CCT4: variants seen among roughly 807,000 people sequenced by gnomAD.
CCT4 encodes chaperonin containing TCP1 subunit 4.
CCT4 carries 17 observed loss-of-function variants against 62.5 expected under a neutral mutation model. The observed-to-expected ratio is 0.27, with a 90% CI of 0.19 to 0.41. The LOEUF is 0.41. Among genes scored for constraint, CCT4 ranks in the 10% least tolerant of loss-of-function variants. CCT4 has a pLI of 1.00. For missense variants in CCT4, 592 were observed against 659.2 expected (o/e 0.90, Z 1.12); for synonymous variants, 250 against 229.9 (o/e 1.09, Z -0.79).
intron 5 of CCT4, among the ~76,000 whole-genome samples, chr2:61,877,983 G>C (rs1669036614): frequency 6.6e-6 from 1 of 152,180 alleles, no homozygotes; most frequent in Non-Finnish European, 1.5e-5. Context: ...AGAAACTGAA[G>C]CCAAGAGGTT....
At position 61,883,465 on chromosome 2, in the gene CCT4, G is replaced by T. The variant is rs1572925569; in HGVS notation, c.264C>A (p.Ala88=). Residue 88 remains alanine (A), a synonymous_variant, in exon 3 of 14, where the codon GCC becomes GCA. Transcript: ENST00000394440. The part of the protein sequence containing the change: ...LKQMQVLHPA[A]RMLVELSKAQ... The stretch of plus-strand genomic sequence containing the variant: ...CACCTAAAATTACACTTACCATTCT[G>T]GCTGCTGGATGTAATACTTGCATTT... 1 of 1,512,050 alleles carries T rather than the reference G, an allele frequency of 6.6e-7. No homozygotes were observed. Among genetic ancestry groups the T allele is most frequent in the Non-Finnish European group, 9.1e-7 (1 of 1,102,688 alleles). The allele number at this position is 1,512,050 out of a possible 1,614,324, so 93.7% of individuals were successfully genotyped here. A position where few individuals can be genotyped will look rare whatever the true frequency, so the allele number is the denominator to read the frequency against.
At chr2:61,874,640 T>C (rs1668958642) in intron 8 of CCT4, among the ~76,000 whole-genome samples, 1 of 151,660 alleles carries the variant, frequency 6.6e-6, no homozygotes, top group South Asian at 2.1e-4. Context: ...AAAAAAGTGA[T>C]CTGTCAAACT....
intron 2 of CCT4, among the ~76,000 whole-genome samples, chr2:61,883,875 A>C (rs1427728593): frequency 6.6e-6 from 1 of 152,118 alleles, no homozygotes; most frequent in African/African-American, 2.4e-5. Flanking sequence ...ATTAATCAGA[A>C]ACACGATTTC....
chr2:61,873,390 A>T (rs1668926235), intron 8 of CCT4, 97 bp from the exon 9 acceptor site: 1 of 621,342 alleles, frequency 1.6e-6, no homozygotes, highest in Admixed American at 2.9e-5. Context: ...TTAAATGGCC[A>T]ATCATTATTT....
Position 61,885,090 on chromosome 2 carries a change from A to T in CCT4, c.128-18T>A. On this transcript the variant is annotated intron_variant, in intron 1 of 13. Coordinates refer to ENST00000394440, the MANE Select transcript of CCT4 (RefSeq NM_006430.4). ...AGCAACCGCTGCAGATGGGGGGGAAAAAAAAGAAAACAAATTAGAACTTTT... is the reference window on the plus strand; with the variant it reads ...AGCAACCGCTGCAGATGGGGGGGAATAAAAAGAAAACAAATTAGAACTTTT... 6.5e-7 allele frequency: 1 copy of T among 1,527,128 alleles called. No homozygotes were observed. Among genetic ancestry groups the T allele is most frequent in the South Asian group, 1.3e-5 (1 of 77,604 alleles). The allele number at this position is 1,527,128 out of a possible 1,614,324, so 94.6% of individuals were successfully genotyped here.
chr2:61,881,440 A>T (rs1669110890), intron 3 of CCT4, among the ~76,000 whole-genome samples: 1 of 152,248 alleles, frequency 6.6e-6, no homozygotes, highest in South Asian at 2.1e-4. Flanking sequence ...ATTTCTTTCT[A>T]ATGAATTTGT....
chr2:61,875,984 A>G (rs1668989468), intron 8 of CCT4, 111 bp downstream of exon 8: 1 of 638,578 alleles, frequency 1.6e-6, no homozygotes, highest in Non-Finnish European at 2.6e-6. Flanking sequence ...TCTGTTAAGA[A>G]ATACGAACTT....
At chr2:61,871,227 G>A (rs1335703163) in intron 12 of CCT4, among the ~76,000 whole-genome samples, 5 of 151,664 alleles carry the variant, frequency 3.3e-5, no homozygotes, top group Non-Finnish European at 1.5e-5. Flanking sequence ...TAGTAGAGAC[G>A]GAATTTTGCC....
intron 8 of CCT4, among the ~76,000 whole-genome samples, chr2:61,875,235 A>G (rs974621847): frequency 4.6e-5 from 7 of 152,042 alleles, no homozygotes; most frequent in South Asian, 2.1e-4. Context: ...CTGCTAAAAA[A>G]AAAAATGCAG....
intron 12 of CCT4, among the ~76,000 whole-genome samples, chr2:61,871,522 A>T (rs1344242021): frequency 6.6e-6 from 1 of 152,168 alleles, no homozygotes; most frequent in African/African-American, 2.4e-5. Context: ...GCCTTCCCTA[A>T]ACAGATAGTT....
intron 12 of CCT4, among the ~76,000 whole-genome samples, chr2:61,869,861 T>C (rs1444737266): frequency 6.7e-6 from 1 of 150,234 alleles, no homozygotes; most frequent in Non-Finnish European, 1.5e-5. Context: ...TCTCATCTCC[T>C]GATCTCATGA....
intron 2 of CCT4, 100 bp from the exon 3 acceptor site, chr2:61,883,648 G>A (rs943018849): frequency 2.3e-5 from 15 of 663,696 alleles, no homozygotes; most frequent in Admixed American, 1.2e-4. Flanking sequence ...TGTTTGCAAA[G>A]TACTTAATTT....
intron 7 of CCT4, 98 bp from the exon 8 acceptor site, chr2:61,876,332 C>A: frequency 1.2e-6 from 1 of 817,762 alleles, no homozygotes; most frequent in Non-Finnish European, 1.9e-6. Context: ...TAAATTCAAC[C>A]AAAACTATAT....
At chr2:61,874,162 A>G (rs1421556637) in intron 8 of CCT4, among the ~76,000 whole-genome samples, 3 of 152,190 alleles carry the variant, frequency 2.0e-5, no homozygotes, top group African/African-American at 7.2e-5. Context: ...TATCCCTATT[A>G]TACGGATAAG....
intron 1 of CCT4, among the ~76,000 whole-genome samples, chr2:61,885,331 G>A (rs1202442324): frequency 6.6e-6 from 1 of 152,084 alleles, no homozygotes; most frequent in Non-Finnish European, 1.5e-5. Context: ...AAAATTCATT[G>A]TCTAAAAATA....
In CCT4 at chr2:61,888,547, G is replaced by A. The variant is rs1157713283; in HGVS notation, c.-40C>T. The A allele has an allele frequency of 1.3e-6, 2 of 1,594,440 alleles. No individual in the cohort carries two copies. The highest frequency in any genetic ancestry group is 8.5e-7 in the Non-Finnish European group (1 of 1,170,296). On this transcript the variant is annotated 5_prime_UTR_variant, in exon 1 of 14. Coordinates refer to ENST00000394440, the MANE Select transcript of CCT4 (RefSeq NM_006430.4). ...TGTCTGGGTTGGCTCGGGAAGGACG[G>A]ATGGACCCGGATTCTGGCCGGCCGC...
At chr2:61,882,389 T>A (rs1456116480) in intron 3 of CCT4, among the ~76,000 whole-genome samples, 2 of 152,210 alleles carry the variant, frequency 1.3e-5, no homozygotes, top group African/African-American at 4.8e-5. Context: ...GTAGATTATA[T>A]TTTTAGACAA....
At chr2:61,876,038 T>C (rs1243805747) in intron 8 of CCT4, 57 bp downstream of exon 8, 10 of 1,128,708 alleles carry the variant, frequency 8.9e-6, no homozygotes, top group Non-Finnish European at 1.3e-5. Flanking sequence ...AAAAATAAAC[T>C]GCTAGTGGAG....
At chr2:61,882,760 C>G (rs1358085536) in intron 3 of CCT4, among the ~76,000 whole-genome samples, 2 of 152,094 alleles carry the variant, frequency 1.3e-5, no homozygotes, top group East Asian at 1.9e-4. Flanking sequence ...ATCCTCCCAC[C>G]TTGGCCTCCC....
Sources: gnomAD v4.1 joint callset for allele counts (sites outside exome capture counted in the v4.1 genomes callset) on GRCh38, gnomAD v4.1.1 for gene constraint, MANE v1.5 for transcripts, NCBI Gene and HGNC (gene_info 2026-07-23, HGNC 2026-07-21) for gene names.